Variants in GALNT7 observed in about 807,000 individuals in gnomAD.
GALNT7 encodes the protein polypeptide N-acetylgalactosaminyltransferase 7, also known as N-acetylgalactosaminyltransferase 7.
In GALNT7, 60 loss-of-function variants were observed where a neutral mutation model predicts 82.1. The ratio of observed to expected loss-of-function variants is 0.73; its 90% CI spans 0.59 to 0.91. The LOEUF is 0.91. Among genes scored for constraint, GALNT7 ranks in the 40% least tolerant of loss-of-function variants. The probability of loss-of-function intolerance (pLI) is 0.00; values close to 1 mark genes in which losing one functional copy is unlikely to be tolerated. For missense variants in GALNT7, 660 were observed against 804.2 expected, an observed-to-expected ratio of 0.82 and a Z score of 2.17; for synonymous variants, 243 against 275.1, an observed-to-expected ratio of 0.88 and a Z score of 1.15.
intron 2 of GALNT7, among the ~76,000 whole-genome samples, chr4:173,269,531 T>C (rs976063524): frequency 1.3e-5 from 2 of 152,178 alleles, no homozygotes; most frequent in Non-Finnish European, 1.5e-5. Context: ...TGAAATAGTC[T>C]CTGCTGATAA....
intron 1 of GALNT7, among the ~76,000 whole-genome samples, chr4:173,223,073 C>T (rs1561160455): frequency 6.6e-6 from 1 of 152,114 alleles, no homozygotes; most frequent in African/African-American, 2.4e-5. Flanking sequence ...CTAGGAAACA[C>T]TTGTACTTAG....
chr4:173,228,821 C>T (rs1733926888), intron 1 of GALNT7, among the ~76,000 whole-genome samples: 1 of 152,156 alleles, frequency 6.6e-6, no homozygotes, highest in Admixed American at 6.5e-5. Flanking sequence ...TTGAGGTCAT[C>T]ACTGCCTTTT....
At chr4:173,313,925 A>G in intron 8 of GALNT7, 33 bp from the exon 9 acceptor site, 1 of 979,344 alleles carries the variant, frequency 1.0e-6, no homozygotes, top group Non-Finnish European at 1.5e-6. Context: ...GTATTTTTAT[A>G]ACGATATATA....
At chr4:173,272,599 G>T (rs1309998284) in intron 2 of GALNT7, among the ~76,000 whole-genome samples, 2 of 152,176 alleles carry the variant, frequency 1.3e-5, no homozygotes, top group African/African-American at 2.4e-5. Flanking sequence ...TTACAATGAA[G>T]CAGAGATGTA....
At chr4:173,277,360 CATGAATT>C (rs1735949276) in intron 2 of GALNT7, among the ~76,000 whole-genome samples, 1 of 152,182 alleles carries the variant, frequency 6.6e-6, no homozygotes. Flanking sequence ...TCTCAGAGTT[CATGAATT>C]CTCATCTCTA....
At chr4:173,211,699 G>A (rs561427756) in intron 1 of GALNT7, among the ~76,000 whole-genome samples, 1 of 152,282 alleles carries the variant, frequency 6.6e-6, no homozygotes, top group South Asian at 2.1e-4. Context: ...AAATAGTCTT[G>A]TTAATTGAAG....
At position 173,262,305 on chromosome 4, in the gene GALNT7, C is replaced by T. The variant is rs73872510; in HGVS notation, c.587+13865C>T. Among the ~76,000 whole-genome samples, 1,519 of 152,250 alleles carry T rather than the reference C, an allele frequency of 1.0e-2. 25 individuals are homozygous for T. Among genetic ancestry groups the T allele is most frequent in the African/African-American group, 0.035 (1,444 of 41,542 alleles). The stretch of plus-strand genomic sequence containing the variant: ...AAAGCATAAAAAAGAACCTTTAGTA[C>T]TGTTTCTAGTCTGTCTTGCACTTTA... On this transcript the variant is annotated intron_variant, in intron 2 of 11. Transcript: ENST00000265000.
intron 1 of GALNT7, among the ~76,000 whole-genome samples, chr4:173,185,942 C>T (rs192809553): frequency 1.3e-4 from 20 of 152,256 alleles, no homozygotes; most frequent in Admixed American, 1.3e-3. Context: ...TTGAAAGATT[C>T]CTAGGGAAAT....
chr4:173,181,868 T>C (rs919391608), intron 1 of GALNT7, among the ~76,000 whole-genome samples: 1 of 152,252 alleles, frequency 6.6e-6, no homozygotes, highest in African/African-American at 2.4e-5. Flanking sequence ...TGCGGCTTCG[T>C]CTTACTTTCC....
At chr4:173,188,805 A>G (rs1343859452) in intron 1 of GALNT7, among the ~76,000 whole-genome samples, 9 of 152,174 alleles carry the variant, frequency 5.9e-5, no homozygotes, top group Admixed American at 5.9e-4. Context: ...TTGAGTCCAT[A>G]CCGATATATC....
intron 1 of GALNT7, among the ~76,000 whole-genome samples, chr4:173,238,695 A>C (rs1323469106): frequency 5.9e-5 from 9 of 152,354 alleles, no homozygotes; most frequent in East Asian, 3.9e-4. Context: ...AAATATTCAC[A>C]ATAAAAAATA....
At chr4:173,202,230 T>C (rs1732964350) in intron 1 of GALNT7, among the ~76,000 whole-genome samples, 1 of 152,222 alleles carries the variant, frequency 6.6e-6, no homozygotes, top group Non-Finnish European at 1.5e-5. Context: ...CCAGTGTCTG[T>C]CATAGGGCAT....
chr4:173,306,780 A>G (rs1484656004), intron 8 of GALNT7, among the ~76,000 whole-genome samples: 2 of 152,184 alleles, frequency 1.3e-5, no homozygotes, highest in Non-Finnish European at 2.9e-5. Flanking sequence ...TAAAACAATT[A>G]TTTAGAATTA....
At position 173,178,052 on chromosome 4, in the gene GALNT7, TGCGCGCAC is replaced by T. The variant is rs71606495; in HGVS notation, c.126+9097_126+9104del. ...GTGTGTGTGTGTGTGTGTGTGTGTG[TGCGCGCAC>T]GCGCGTGCGCACAGACACCTATGTA... is the stretch of plus-strand genomic sequence containing the variant. On this transcript the variant is annotated intron_variant, in intron 1 of 11. Coordinates refer to ENST00000265000, the MANE Select transcript of GALNT7 (RefSeq NM_017423.3). 2.3e-3 allele frequency among the ~76,000 whole-genome samples: 297 copies of T among 129,506 alleles called. 4 individuals are homozygous for T. Among genetic ancestry groups the T allele is most frequent in the African/African-American group, 8.4e-3 (274 of 32,752 alleles). The allele number at this position is 129,506 out of a possible 152,430, so 85.0% of individuals were successfully genotyped here.
chr4:173,202,184 T>A (rs1732963166), intron 1 of GALNT7, among the ~76,000 whole-genome samples: 1 of 152,196 alleles, frequency 6.6e-6, no homozygotes, highest in South Asian at 2.1e-4. Flanking sequence ...AAACTGAGAA[T>A]CAAACAGTAT....
chr4:173,291,852 C>T (rs1217168002), intron 2 of GALNT7, among the ~76,000 whole-genome samples: 5 of 150,568 alleles, frequency 3.3e-5, no homozygotes, highest in Admixed American at 1.3e-4. Context: ...TAAGTGTCCT[C>T]AGCATAAATT....
chr4:173,318,703 T>A (rs541429070), intron 11 of GALNT7, 144 bp downstream of exon 11: 3 of 567,606 alleles, frequency 5.3e-6, no homozygotes, highest in Non-Finnish European at 9.3e-6. Context: ...GCATAGGTTT[T>A]CCTGAGCACT....
intron 1 of GALNT7, among the ~76,000 whole-genome samples, chr4:173,178,052 T>TGCGTGCGCGC (rs1554019747): frequency 6.5e-4 from 84 of 129,516 alleles, no homozygotes; most frequent in East Asian, 2.8e-3. Context: ...TGTGTGTGTG[T>TGCGTGCGCGC]GCGCGCACGC....
At position 173,312,933 on chromosome 4, in the gene GALNT7, C is replaced by T. The variant is rs187661444; in HGVS notation, c.1390-1025C>T. Among the ~76,000 whole-genome samples the T allele has an allele frequency of 5.1e-4, 78 of 152,204 alleles. 1 individual carries two copies. The South Asian group carries it at 8.1e-3, about 16-fold the overall frequency. On this transcript the variant is annotated intron_variant, in intron 8 of 11. Coordinates refer to ENST00000265000, the MANE Select transcript of GALNT7 (RefSeq NM_017423.3). ...AATTAGCCAGGTGTGGTGGCGGGCA[C>T]CTGTAATACCAGCTACTCAGGAGGC...
Sources: allele counts gnomAD v4.1 joint callset (sites outside exome capture counted in the v4.1 genomes callset), GRCh38; gene constraint gnomAD v4.1.1; transcripts MANE v1.5; gene names NCBI Gene and HGNC (gene_info 2026-07-23, HGNC 2026-07-21).